The following DLG2 variants were observed in gnomAD, a reference collection of about 807,000 sequenced individuals.
DLG2 encodes discs large MAGUK scaffold protein 2.
DLG2 carries 45 observed loss-of-function variants against 132.5 expected under a neutral mutation model. That is an observed-to-expected ratio of 0.34 (90% CI 0.27 to 0.44). The LOEUF is 0.44. Among genes scored for constraint, DLG2 ranks in the 20% least tolerant of loss-of-function variants. The probability of loss-of-function intolerance (pLI) is 1.00; values close to 1 mark genes in which losing one functional copy is unlikely to be tolerated. For synonymous variants in DLG2, 424 were observed against 419.6 expected, an observed-to-expected ratio of 1.01 and a Z score of -0.13; for missense variants, 1,045 against 1,196.9, an observed-to-expected ratio of 0.87 and a Z score of 1.87.
At chr11:83,471,563 C>T (rs562139553) in intron 24 of DLG2, 63 bp downstream of exon 24, 3 of 1,208,410 alleles carry the variant, frequency 2.5e-6, no homozygotes, top group East Asian at 4.7e-5. Context: ...TTACATTTTA[C>T]CATCTCATAA....
intron 3 of DLG2, among the ~76,000 whole-genome samples, chr11:85,311,743 T>C (rs1337342848): frequency 6.6e-6 from 1 of 152,100 alleles, no homozygotes; most frequent in Admixed American, 6.6e-5. Flanking sequence ...CCTTCAAATA[T>C]TGAAGATAGC....
At chr11:84,561,809 A>C (rs892216027) in intron 6 of DLG2, among the ~76,000 whole-genome samples, 1 of 152,152 alleles carries the variant, frequency 6.6e-6, no homozygotes, top group Non-Finnish European at 1.5e-5. Context: ...TGAACCTTGT[A>C]CACAATACAT....
intron 3 of DLG2, among the ~76,000 whole-genome samples, chr11:85,508,248 A>C (rs1480266449): frequency 6.6e-6 from 1 of 151,780 alleles, no homozygotes; most frequent in African/African-American, 2.4e-5. Context: ...TTGACAGAGG[A>C]TCTTTTTAAA....
chr11:83,574,708 A>C (rs1159986623), intron 19 of DLG2, among the ~76,000 whole-genome samples: 1 of 152,130 alleles, frequency 6.6e-6, no homozygotes, highest in Admixed American at 6.5e-5. Flanking sequence ...GTAATCAAGA[A>C]CCTCCCATCA....
At chr11:85,324,480 C>T (rs2081299729) in intron 3 of DLG2, among the ~76,000 whole-genome samples, 1 of 152,130 alleles carries the variant, frequency 6.6e-6, no homozygotes, top group African/African-American at 2.4e-5. Flanking sequence ...TCGGGAAAGA[C>T]TAAAATCATC....
At chr11:83,623,547 C>T (rs981727373) in intron 19 of DLG2, among the ~76,000 whole-genome samples, 5 of 152,152 alleles carry the variant, frequency 3.3e-5, no homozygotes, top group East Asian at 1.9e-4. Flanking sequence ...GGAAAGAGCA[C>T]GTGAAGCCTG....
chr11:85,002,949 T>C (rs1327040601), intron 6 of DLG2, among the ~76,000 whole-genome samples: 1 of 152,050 alleles, frequency 6.6e-6, no homozygotes, highest in Non-Finnish European at 1.5e-5. Flanking sequence ...CCAGCTTAAT[T>C]TATTGTAAGA....
At chr11:84,654,227 C>A (rs568791749) in intron 6 of DLG2, among the ~76,000 whole-genome samples, 200 of 152,266 alleles carry the variant, frequency 1.3e-3, no homozygotes, top group African/African-American at 4.7e-3. Flanking sequence ...TTTTGTGACA[C>A]TCACCTCATC....
At chr11:85,612,975 A>G (rs2081102030) in intron 2 of DLG2, among the ~76,000 whole-genome samples, 1 of 152,192 alleles carries the variant, frequency 6.6e-6, no homozygotes, top group South Asian at 2.1e-4. Context: ...ACTGCTGAGA[A>G]AGGAGGACTC....
intron 7 of DLG2, among the ~76,000 whole-genome samples, chr11:84,362,901 A>G (rs375466063): frequency 3.9e-5 from 6 of 152,092 alleles, no homozygotes; most frequent in South Asian, 2.1e-4. Flanking sequence ...TCTTAATCCA[A>G]TCTATCATTG....
intron 7 of DLG2, among the ~76,000 whole-genome samples, chr11:84,474,822 T>C (rs2099117398): frequency 1.3e-5 from 2 of 152,056 alleles, no homozygotes; most frequent in Middle Eastern, 3.2e-3. Context: ...CTTTTTATAT[T>C]TGTCAAATTC....
Position 84,329,033 on chromosome 11 carries a change from C to T in DLG2, c.520-77742G>A, listed in dbSNP as rs1363090302. On this transcript the variant is annotated intron_variant, in intron 7 of 27. Coordinates refer to ENST00000376104, the MANE Select transcript of DLG2 (RefSeq NM_001142699.3). ...AAGACTTTGAATAAACAAGTGTGCT[C>T]AGTGATTAAATTGAGATGTACAGAA... Among the ~76,000 whole-genome samples, 4 of 152,248 alleles carry T rather than the reference C, an allele frequency of 2.6e-5. No individual in the cohort carries two copies. The East Asian group carries it at 5.8e-4, about 22-fold the overall frequency.
At chr11:85,338,561 G>A (rs2082279995) in intron 3 of DLG2, among the ~76,000 whole-genome samples, 1 of 151,920 alleles carries the variant, frequency 6.6e-6, no homozygotes, top group Admixed American at 6.6e-5. Flanking sequence ...AAGGGTATCT[G>A]AAATATTACT....
At chr11:85,554,758 C>A (rs146177711) in intron 3 of DLG2, among the ~76,000 whole-genome samples, 1 of 150,512 alleles carries the variant, frequency 6.6e-6, no homozygotes, top group Non-Finnish European at 1.5e-5. Flanking sequence ...AGATTTGCAA[C>A]TTCCCCAATT....
intron 6 of DLG2, among the ~76,000 whole-genome samples, chr11:84,966,668 T>C (rs2053395574): frequency 6.6e-6 from 1 of 152,138 alleles, no homozygotes; most frequent in South Asian, 2.1e-4. Context: ...GTATGGTTAA[T>C]TATAATTTTA....
At chr11:84,312,544 AT>A (rs1257254123) in intron 7 of DLG2, among the ~76,000 whole-genome samples, 2 of 152,020 alleles carry the variant, frequency 1.3e-5, no homozygotes, top group Admixed American at 6.6e-5. Flanking sequence ...GAGATGCAGT[AT>A]TTTTTTCCAA....
At chr11:85,065,713 A>C (rs1353994634) in intron 6 of DLG2, among the ~76,000 whole-genome samples, 1 of 151,320 alleles carries the variant, frequency 6.6e-6, no homozygotes, top group African/African-American at 2.4e-5. Flanking sequence ...CTCCTGAATA[A>C]TCTTTGGGTG....
chr11:84,921,221 A>G (rs2092741517), intron 6 of DLG2, among the ~76,000 whole-genome samples: 1 of 152,172 alleles, frequency 6.6e-6, no homozygotes, highest in Admixed American at 6.5e-5. Flanking sequence ...TCAGAAAGAC[A>G]AGATAACCCT....
At chr11:84,008,597 T>C (rs966086237) in intron 11 of DLG2, among the ~76,000 whole-genome samples, 1 of 151,586 alleles carries the variant, frequency 6.6e-6, no homozygotes, top group Non-Finnish European at 1.5e-5. Flanking sequence ...GAGACAGACA[T>C]ACAAAAATAT....
Sources: gnomAD v4.1 joint callset for allele counts (sites outside exome capture counted in the v4.1 genomes callset) on GRCh38, gnomAD v4.1.1 for gene constraint, MANE v1.5 for transcripts, NCBI Gene and HGNC (gene_info 2026-07-23, HGNC 2026-07-21) for gene names.